Variants in FHIT observed in about 807,000 individuals in gnomAD.
The protein encoded by FHIT is fragile histidine triad diadenosine triphosphatase.
In FHIT, 19 loss-of-function variants were observed where a neutral mutation model predicts 17.9. The observed-to-expected ratio is 1.06, with a 90% CI of 0.74 to 1.56. FHIT has a LOEUF of 1.56. Among genes scored for constraint, FHIT ranks in the 40% most tolerant of loss-of-function variants. FHIT has a pLI of 0.00. For missense variants in FHIT, 248 were observed against 189.2 expected, an observed-to-expected ratio of 1.31 and a Z score of -1.82; for synonymous variants, 81 against 69.7, an observed-to-expected ratio of 1.16 and a Z score of -0.81.
At chr3:60,112,132 T>G (rs1704700908) in intron 5 of FHIT, among the ~76,000 whole-genome samples, 1 of 152,168 alleles carries the variant, frequency 6.6e-6, no homozygotes, top group Admixed American at 6.5e-5. Flanking sequence ...AGTACAAGAA[T>G]CAGAACCCAT....
intron 4 of FHIT, among the ~76,000 whole-genome samples, chr3:60,716,916 C>T (rs2041697830): frequency 6.6e-6 from 1 of 152,106 alleles, no homozygotes; most frequent in Non-Finnish European, 1.5e-5. Context: ...TTGACCAGAC[C>T]ATTGTTAAGT....
intron 5 of FHIT, among the ~76,000 whole-genome samples, chr3:60,232,017 C>T (rs775090776): frequency 7.2e-5 from 11 of 152,094 alleles, no homozygotes; most frequent in Admixed American, 1.3e-4. Context: ...CATCCATTAA[C>T]TTATACATGC....
intron 5 of FHIT, among the ~76,000 whole-genome samples, chr3:60,348,755 A>G (rs1432614328): frequency 1.3e-5 from 2 of 152,220 alleles, no homozygotes; most frequent in African/African-American, 4.8e-5. Flanking sequence ...CCAATGTGAT[A>G]TCAGCAAATG....
intron 7 of FHIT, among the ~76,000 whole-genome samples, chr3:59,983,295 C>A (rs1216966940): frequency 2.0e-5 from 3 of 152,096 alleles, no homozygotes; most frequent in Non-Finnish European, 4.4e-5. Context: ...CACATAAACA[C>A]ATCCTCAGGA....
At chr3:60,097,252 A>C (rs988373769) in intron 5 of FHIT, among the ~76,000 whole-genome samples, 3 of 152,122 alleles carry the variant, frequency 2.0e-5, no homozygotes, top group Middle Eastern at 3.4e-3. Flanking sequence ...CAGCCCCTCC[A>C]AACAGAAGAT....
At chr3:60,195,546 G>GATATATATATATATAT (rs1223456537) in intron 5 of FHIT, among the ~76,000 whole-genome samples, 1 of 18,888 alleles carries the variant, frequency 5.3e-5, no homozygotes, top group South Asian at 2.8e-3. Flanking sequence ...AGGAAAATGT[G>GATATATATATATATAT]ATATATATAT....
At chr3:60,108,151 C>T (rs1704507685) in intron 5 of FHIT, among the ~76,000 whole-genome samples, 1 of 152,116 alleles carries the variant, frequency 6.6e-6, no homozygotes, top group Non-Finnish European at 1.5e-5. Flanking sequence ...TGTGTCATGT[C>T]AGTTAAGTTA....
chr3:60,864,097 C>A lies in FHIT; in HGVS notation c.-110-42086G>T, dbSNP rs192612112. On this transcript the variant is annotated intron_variant, in intron 3 of 9. Coordinates refer to ENST00000492590, the MANE Select transcript of FHIT (RefSeq NM_002012.4). ...CAAGAGAGCATGTGAAGAAGAATTG[C>A]CCTTTATAAAACCATCAGATCTCAT... Among the ~76,000 whole-genome samples, 6 of 152,166 alleles carry A rather than the reference C, an allele frequency of 3.9e-5. No homozygotes were observed. In the East Asian group the frequency reaches 1.2e-3, roughly 29 times the overall value.
chr3:60,732,081 A>G, intron 4 of FHIT: 1 of 592,676 alleles, frequency 1.7e-6, no homozygotes. Flanking sequence ...AATGGGGTGG[A>G]GGGGTAGTCT....
intron 8 of FHIT, among the ~76,000 whole-genome samples, chr3:59,844,819 A>G (rs1701659720): frequency 6.6e-6 from 1 of 152,194 alleles, no homozygotes; most frequent in Admixed American, 6.6e-5. Flanking sequence ...CTGGCTTCAT[A>G]GAATGAGGAA....
chr3:61,206,450 G>A (rs1053289919), intron 1 of FHIT, among the ~76,000 whole-genome samples: 2 of 151,834 alleles, frequency 1.3e-5, no homozygotes, highest in African/African-American at 4.8e-5. Flanking sequence ...CTACCCATGG[G>A]CATGGAATGT....
In FHIT at chr3:61,219,327, A is replaced by ATGTGTG. The variant is rs72023729; in HGVS notation, c.-212-18668_-212-18663dup. 6.7e-3 allele frequency among the ~76,000 whole-genome samples: 984 copies of ATGTGTG among 146,980 alleles called. 4 individuals carry two copies. The highest frequency in any genetic ancestry group is 0.025 in the Middle Eastern group (7 of 284). Reference sequence around the variant, plus strand: ...TGTACATCTTTGTGTAAATCTAAAAATGTGTGTGTGTGTGTGTGTGTGTGT... The same window carrying ATGTGTG: ...TGTACATCTTTGTGTAAATCTAAAAATGTGTGTGTGTGTGTGTGTGTGTGTGTGTGT... On this transcript the variant is annotated intron_variant, in intron 1 of 9. Transcript: ENST00000492590.
intron 5 of FHIT, among the ~76,000 whole-genome samples, chr3:60,351,053 G>A (rs186431048): frequency 2.6e-5 from 4 of 151,790 alleles, no homozygotes; most frequent in Admixed American, 6.6e-5. Flanking sequence ...CCAGCCAAAA[G>A]CTATATTGCA....
At chr3:60,755,034 C>T (rs2042545177) in intron 4 of FHIT, among the ~76,000 whole-genome samples, 1 of 152,130 alleles carries the variant, frequency 6.6e-6, no homozygotes, top group Admixed American at 6.6e-5. Context: ...TAGAGAAAAA[C>T]CTGGTGGGAT....
intron 7 of FHIT, among the ~76,000 whole-genome samples, chr3:59,963,578 C>T (rs529726496): frequency 6.6e-6 from 1 of 152,164 alleles, no homozygotes; most frequent in Non-Finnish European, 1.5e-5. Flanking sequence ...GAGCGCCTAA[C>T]ATGTTTCACG....
chr3:60,447,110 C>A (rs982369476), intron 5 of FHIT, among the ~76,000 whole-genome samples: 1 of 152,006 alleles, frequency 6.6e-6, no homozygotes, highest in African/African-American at 2.4e-5. Flanking sequence ...AGCAAATTCC[C>A]TGAAGGGAAA....
intron 5 of FHIT, among the ~76,000 whole-genome samples, chr3:60,027,143 A>G (rs1700782443): frequency 7.5e-6 from 1 of 133,948 alleles, no homozygotes; most frequent in African/African-American, 3.3e-5. Flanking sequence ...ACACACACAC[A>G]CACACAAAAT....
At position 61,007,686 on chromosome 3, in the gene FHIT, A is replaced by G. The variant is rs79891395; in HGVS notation, c.-111+34361T>C. Among the ~76,000 whole-genome samples the G allele has an allele frequency of 4.6e-3, 696 of 152,174 alleles. 8 individuals are homozygous for G. Among genetic ancestry groups the G allele is most frequent in the African/African-American group, 0.016 (658 of 41,518 alleles). On this transcript the variant is annotated intron_variant, in intron 3 of 9. Transcript: ENST00000492590. ...GCATGCAAATGCCCTATGCGACTAC[A>G]GAATGTGTTCCCTACACTTCAGAAG... is the stretch of plus-strand genomic sequence containing the variant.
intron 5 of FHIT, among the ~76,000 whole-genome samples, chr3:60,263,682 G>A (rs1391697692): frequency 6.6e-6 from 1 of 151,814 alleles, no homozygotes; most frequent in Non-Finnish European, 1.5e-5. Flanking sequence ...GAGAGGAGGT[G>A]GAATGCAAAA....
Sources: gnomAD v4.1 joint callset for allele counts (sites outside exome capture counted in the v4.1 genomes callset) on GRCh38, gnomAD v4.1.1 for gene constraint, MANE v1.5 for transcripts, NCBI Gene and HGNC (gene_info 2026-07-23, HGNC 2026-07-21) for gene names.